The following LNX2 variants were observed in gnomAD, a reference collection of about 807,000 sequenced individuals.
LNX2 encodes the protein ligand of Numb protein X 2.
A neutral mutation model predicts 66.2 loss-of-function variants in LNX2; 35 were observed. The ratio of observed to expected loss-of-function variants is 0.53; its 90% CI spans 0.40 to 0.70. The LOEUF (loss-of-function observed/expected upper bound fraction) is 0.70, where lower values mean the gene tolerates loss of function less well. Among genes scored for constraint, LNX2 ranks in the 30% least tolerant of loss-of-function variants. The pLI is 0.00. For synonymous variants in LNX2, 337 were observed against 315.6 expected (o/e 1.07, Z -0.72); for missense variants, 791 against 850.8 (o/e 0.93, Z 0.87).
chr13:27,569,748 T>G (rs571681459), intron 2 of LNX2, among the ~76,000 whole-genome samples: 2 of 152,322 alleles, frequency 1.3e-5, no homozygotes, highest in African/African-American at 4.8e-5. Context: ...GACACGCTCA[T>G]TAATTAGTGG....
intron 2 of LNX2, among the ~76,000 whole-genome samples, chr13:27,570,751 TTTAA>T (rs1437404259): frequency 6.6e-6 from 1 of 152,064 alleles, no homozygotes; most frequent in African/African-American, 2.4e-5. Flanking sequence ...CAGGTAAAGA[TTTAA>T]TTTACAAAAT....
intron 2 of LNX2, among the ~76,000 whole-genome samples, chr13:27,578,003 G>T (rs988847137): frequency 2.0e-5 from 3 of 152,064 alleles, no homozygotes; most frequent in African/African-American, 7.3e-5. Flanking sequence ...GACTGTCCAT[G>T]TCTCTTAAAA....
intron 1 of LNX2, among the ~76,000 whole-genome samples, chr13:27,612,176 G>C (rs1307783912): frequency 6.6e-6 from 1 of 152,196 alleles, no homozygotes; most frequent in African/African-American, 2.4e-5. Flanking sequence ...GGTGGAGTTG[G>C]ATAAAAGGGT....
At chr13:27,564,427 A>C (rs1955179474) in intron 4 of LNX2, among the ~76,000 whole-genome samples, 1 of 152,164 alleles carries the variant, frequency 6.6e-6, no homozygotes, top group South Asian at 2.1e-4. Flanking sequence ...GCCATTATTG[A>C]TGACTTCATT....
intron 1 of LNX2, among the ~76,000 whole-genome samples, 166 bp downstream of exon 1, chr13:27,620,209 G>C (rs1261736775): frequency 6.6e-6 from 1 of 151,914 alleles, no homozygotes; most frequent in African/African-American, 2.4e-5. Flanking sequence ...CCGGGCGAGC[G>C]AAGACAGCCG....
intron 1 of LNX2, among the ~76,000 whole-genome samples, chr13:27,582,677 T>C (rs1955413998): frequency 6.6e-6 from 1 of 151,634 alleles, no homozygotes; most frequent in Non-Finnish European, 1.5e-5. Context: ...CACTCATAAG[T>C]GGGAGTTGAA....
intron 6 of LNX2, among the ~76,000 whole-genome samples, 199 bp downstream of exon 6, chr13:27,559,643 C>T (rs1356110705): frequency 6.6e-6 from 1 of 152,122 alleles, no homozygotes; most frequent in Non-Finnish European, 1.5e-5. Context: ...AGTCACTTTC[C>T]AAGGTAGCAA....
chr13:27,602,059 A>C (rs1955663332), intron 1 of LNX2, among the ~76,000 whole-genome samples: 1 of 152,134 alleles, frequency 6.6e-6, no homozygotes, highest in African/African-American at 2.4e-5. Context: ...GACAGTATGC[A>C]TATCAACTGA....
chr13:27,548,601 C>T (rs1230702537), intron 9 of LNX2, 131 bp from the exon 10 acceptor site: 10 of 998,034 alleles, frequency 1.0e-5, no homozygotes, highest in Non-Finnish European at 8.7e-6. Flanking sequence ...GGTGTATAAT[C>T]TACTTTGTCT....
At chr13:27,574,368 C>A (rs780467230) in intron 2 of LNX2, among the ~76,000 whole-genome samples, 1 of 152,048 alleles carries the variant, frequency 6.6e-6, no homozygotes, top group African/African-American at 2.4e-5. Context: ...GCTGAAATTG[C>A]GCCATTGCAC....
In LNX2 at chr13:27,614,431, C is replaced by T. The variant is rs559613741; in HGVS notation, c.-101+5944G>A. On this transcript the variant is annotated intron_variant, in intron 1 of 9. Coordinates refer to ENST00000316334, the MANE Select transcript of LNX2 (RefSeq NM_153371.4). ...GAGCATAGGAGTACCATTTCCCACA[C>T]CCCCATGATTGTGCCCCCAACCAAT... Among the ~76,000 whole-genome samples the T allele has an allele frequency of 1.7e-4, 25 of 151,502 alleles. No homozygotes were observed. The South Asian group carries it at 4.8e-3, about 29-fold the overall frequency.
intron 2 of LNX2, among the ~76,000 whole-genome samples, chr13:27,569,553 A>C (rs903255711): frequency 6.6e-6 from 1 of 152,220 alleles, no homozygotes; most frequent in Admixed American, 6.5e-5. Flanking sequence ...ACTTGTCACC[A>C]GAAAACACCC....
intron 3 of LNX2, among the ~76,000 whole-genome samples, 171 bp from the exon 4 acceptor site, chr13:27,568,010 A>T (rs1053451390): frequency 8.5e-5 from 13 of 152,350 alleles, no homozygotes; most frequent in Admixed American, 8.5e-4. Context: ...TGTTAAGATT[A>T]TCTAAAAATT....
intron 1 of LNX2, among the ~76,000 whole-genome samples, chr13:27,588,196 T>C (rs1955512556): frequency 6.6e-6 from 1 of 152,184 alleles, no homozygotes; most frequent in Non-Finnish European, 1.5e-5. Context: ...AAAACTTACA[T>C]TCACACAAAA....
At chr13:27,619,188 C>T (rs1344989836) in intron 1 of LNX2, among the ~76,000 whole-genome samples, 2 of 150,964 alleles carry the variant, frequency 1.3e-5, no homozygotes, top group Non-Finnish European at 3.0e-5. Flanking sequence ...ACTTTTACCC[C>T]ATGGGAAAAC....
intron 1 of LNX2, among the ~76,000 whole-genome samples, chr13:27,616,188 G>GGT (rs1555270605): frequency 1.1e-4 from 2 of 18,916 alleles, no homozygotes; most frequent in Non-Finnish European, 2.1e-4. Context: ...GTGGGGGGTT[G>GGT]GGGGGGGTAG....
In LNX2 at chr13:27,601,280, C is replaced by T. The variant is rs529282719; in HGVS notation, c.-101+19095G>A. Among the ~76,000 whole-genome samples the T allele has an allele frequency of 2.6e-4, 40 of 152,288 alleles. No individual in the cohort carries two copies. The South Asian group carries it at 2.7e-3, about 10-fold the overall frequency. On this transcript the variant is annotated intron_variant, in intron 1 of 9. Transcript: ENST00000316334. ...CTGGTCCATCTAATTCCAAAGTCCA[C>T]GTTCAGCAGTACCTGAAATTAAGAT...
chr13:27,583,263 T>G (rs1459548855), intron 1 of LNX2, among the ~76,000 whole-genome samples: 1 of 18,098 alleles, frequency 5.5e-5, no homozygotes, highest in East Asian at 1.4e-3. Flanking sequence ...TGTGCGCGCG[T>G]CCTCTCCAAC....
intron 2 of LNX2, 134 bp downstream of exon 2, chr13:27,581,163 G>T: frequency 7.0e-6 from 4 of 569,652 alleles, no homozygotes; most frequent in Non-Finnish European, 1.1e-5. Flanking sequence ...CTTATTTATT[G>T]TATCTCTTCT....
Sources: gnomAD v4.1 joint callset for allele counts (sites outside exome capture counted in the v4.1 genomes callset) on GRCh38, gnomAD v4.1.1 for gene constraint, MANE v1.5 for transcripts, NCBI Gene and HGNC (gene_info 2026-07-23, HGNC 2026-07-21) for gene names.